Variants in ASIC2 observed in about 807,000 individuals in gnomAD.
The protein encoded by ASIC2 is acid sensing ion channel subunit 2, also known as acid-sensing ion channel 2.
Under a neutral mutation model 57.3 loss-of-function variants are expected in ASIC2, and 25 were observed. That is an observed-to-expected ratio of 0.44 (90% confidence interval 0.32 to 0.61). The LOEUF (loss-of-function observed/expected upper bound fraction) is 0.61, where lower values mean the gene tolerates loss of function less well. Ranked by LOEUF, ASIC2 falls within the 20% of genes least tolerant of loss-of-function variation. ASIC2 has a pLI of 0.06. For missense variants in ASIC2, 641 were observed against 738.1 expected (o/e 0.87, Z 1.52); for synonymous variants, 319 against 307.5 (o/e 1.04, Z -0.39).
intron 1 of ASIC2, among the ~76,000 whole-genome samples, chr17:34,123,092 C>T (rs1037360009): frequency 2.6e-5 from 4 of 152,136 alleles, no homozygotes; most frequent in African/African-American, 7.2e-5. Context: ...TCCAAGTTGT[C>T]GGAAGACAAG....
intron 1 of ASIC2, among the ~76,000 whole-genome samples, chr17:33,536,433 A>G (rs964502201): frequency 6.6e-5 from 10 of 152,248 alleles, no homozygotes; most frequent in Admixed American, 3.3e-4. Context: ...TAGGCGGCCC[A>G]TGGTGGAGGT....
intron 2 of ASIC2, among the ~76,000 whole-genome samples, chr17:33,102,944 C>T (rs958429337): frequency 4.6e-5 from 7 of 152,026 alleles, no homozygotes; most frequent in Non-Finnish European, 8.8e-5. Flanking sequence ...CCACCACGCC[C>T]GGCTAATTTT....
At chr17:33,123,247 C>T (rs2092310002) in intron 1 of ASIC2, among the ~76,000 whole-genome samples, 1 of 152,140 alleles carries the variant, frequency 6.6e-6, no homozygotes, top group Non-Finnish European at 1.5e-5. Context: ...ACCAGAGCAC[C>T]CATCAATGGG....
At chr17:33,778,568 T>C (rs192400963) in intron 1 of ASIC2, among the ~76,000 whole-genome samples, 29 of 152,252 alleles carry the variant, frequency 1.9e-4, no homozygotes, top group Admixed American at 6.5e-4. Context: ...CTGAGATAAT[T>C]CAAGAGCTTA....
chr17:33,795,675 T>C (rs961417722), intron 1 of ASIC2, among the ~76,000 whole-genome samples: 3 of 152,212 alleles, frequency 2.0e-5, no homozygotes, highest in Admixed American at 2.0e-4. Context: ...CCTTCTGTGG[T>C]TTCAGGGGAG....
upstream of ASIC2, among the ~76,000 whole-genome samples, chr17:33,296,069 C>T (rs1023087433): frequency 1.3e-5 from 2 of 152,176 alleles, no homozygotes; most frequent in African/African-American, 4.8e-5. Context: ...AGGGCTTCCC[C>T]CCTCCATCAT....
At chr17:34,063,617 A>G (rs1909051271) in intron 1 of ASIC2, among the ~76,000 whole-genome samples, 1 of 151,970 alleles carries the variant, frequency 6.6e-6, no homozygotes, top group Non-Finnish European at 1.5e-5. Context: ...TACCTTGAAA[A>G]CCCTAAGGAC....
In ASIC2 at chr17:33,799,332, CCTCT is replaced by C. The variant is rs1416881439; in HGVS notation, c.555+356642_555+356645del. On this transcript the variant is annotated intron_variant, in intron 1 of 9. Transcript: ENST00000359872. ...CCCTCCCTGCCTTCCATTTTCCCTC[CCTCT>C]CTGTTTCCTCTCTTTCTCTTTCTTT... Among the ~76,000 whole-genome samples, 19 of 150,552 alleles carry C rather than the reference CCTCT, an allele frequency of 1.3e-4. No homozygotes were observed. In the East Asian group the frequency reaches 1.4e-3, roughly 11 times the overall value.
At chr17:33,859,816 C>T (rs1367063625) in intron 1 of ASIC2, among the ~76,000 whole-genome samples, 2 of 152,172 alleles carry the variant, frequency 1.3e-5, no homozygotes, top group Non-Finnish European at 2.9e-5. Context: ...TCCCAAGTAG[C>T]TGGGAATACA....
At chr17:33,284,523 C>A (rs1347026691) in intron 1 of ASIC2, among the ~76,000 whole-genome samples, 2 of 152,094 alleles carry the variant, frequency 1.3e-5, no homozygotes, top group East Asian at 3.9e-4. Flanking sequence ...TCTTGGAACC[C>A]AGGATGACTC....
chr17:33,966,931 C>T (rs1218635854), intron 1 of ASIC2, among the ~76,000 whole-genome samples: 1 of 152,086 alleles, frequency 6.6e-6, no homozygotes, highest in Non-Finnish European at 1.5e-5. Flanking sequence ...CAGTCTTCCT[C>T]CTAGCCCAAA....
chr17:33,523,935 T>G (rs1196687671), intron 1 of ASIC2, among the ~76,000 whole-genome samples: 1 of 152,178 alleles, frequency 6.6e-6, no homozygotes, highest in Non-Finnish European at 1.5e-5. Flanking sequence ...CCTCAGGAAA[T>G]TGATCTAATC....
intron 1 of ASIC2, among the ~76,000 whole-genome samples, chr17:33,245,491 G>A (rs1908657354): frequency 6.6e-6 from 1 of 152,160 alleles, no homozygotes; most frequent in African/African-American, 2.4e-5. Context: ...CAAAGTCCAT[G>A]GCCTGTTGGA....
chr17:33,842,536 G>C (rs191773818), intron 1 of ASIC2, among the ~76,000 whole-genome samples: 2 of 152,292 alleles, frequency 1.3e-5, no homozygotes, highest in Admixed American at 6.5e-5. Context: ...GACAGGGCTG[G>C]GACGATTCAG....
chr17:33,719,385 C>T (rs1027233019), intron 1 of ASIC2, among the ~76,000 whole-genome samples: 1 of 152,174 alleles, frequency 6.6e-6, no homozygotes, highest in Non-Finnish European at 1.5e-5. Context: ...GTGCAACCTG[C>T]TCCATACCCT....
chr17:33,623,923 T>A (rs1905894743), intron 1 of ASIC2, among the ~76,000 whole-genome samples: 1 of 152,200 alleles, frequency 6.6e-6, no homozygotes, highest in African/African-American at 2.4e-5. Flanking sequence ...CTTCTCTCTC[T>A]GGTGTCAGAC....
At chr17:33,025,464 A>T (rs900385215) in intron 5 of ASIC2, among the ~76,000 whole-genome samples, 2 of 152,050 alleles carry the variant, frequency 1.3e-5, no homozygotes, top group Non-Finnish European at 2.9e-5. Context: ...CCCTAGGCTC[A>T]ATGGAGCAGA....
chr17:34,101,554 A>T (rs1314669856), intron 1 of ASIC2, among the ~76,000 whole-genome samples: 2 of 152,186 alleles, frequency 1.3e-5, no homozygotes, highest in Non-Finnish European at 2.9e-5. Context: ...TAATTTAATG[A>T]TTTAATAATA....
At chr17:33,626,879 G>C (rs990105696) in intron 1 of ASIC2, 2 of 152,114 alleles carry the variant, frequency 1.3e-5, no homozygotes, top group African/African-American at 4.8e-5. Context: ...ACACAATTCT[G>C]ACCATGTGAC....
Sources: allele counts gnomAD v4.1 joint callset (sites outside exome capture counted in the v4.1 genomes callset), GRCh38; gene constraint gnomAD v4.1.1; transcripts MANE v1.5; gene names NCBI Gene and HGNC (gene_info 2026-07-23, HGNC 2026-07-21).